Variants in TMEM132D observed in about 807,000 individuals in gnomAD.
TMEM132D encodes the protein mature OL transmembrane protein.
Under a neutral mutation model 62.3 loss-of-function variants are expected in TMEM132D, and 21 were observed. The observed-to-expected ratio is 0.34, with a 90% CI of 0.24 to 0.49. TMEM132D has a LOEUF of 0.49. Ranked by LOEUF, TMEM132D falls within the 20% of genes least tolerant of loss-of-function variation. The pLI, the probability that TMEM132D is intolerant of heterozygous loss-of-function variation, is 0.99. For synonymous variants in TMEM132D, 621 were observed against 575.6 expected (o/e 1.08, Z -1.13); for missense variants, 1,346 against 1,402.8 (o/e 0.96, Z 0.65).
At chr12:129,303,919 C>T (rs1881781246) in intron 4 of TMEM132D, among the ~76,000 whole-genome samples, 1 of 152,124 alleles carries the variant, frequency 6.6e-6, no homozygotes, top group Non-Finnish European at 1.5e-5. Flanking sequence ...CGATGGAAGT[C>T]CCAGCTCAAG....
chr12:129,591,696 CT>C (rs1234844305), intron 2 of TMEM132D, among the ~76,000 whole-genome samples: 1 of 151,782 alleles, frequency 6.6e-6, no homozygotes, highest in Non-Finnish European at 1.5e-5. Context: ...AAAAAGAAAC[CT>C]GACCTCACGA....
chr12:129,381,079 T>C (rs914642798), intron 3 of TMEM132D, among the ~76,000 whole-genome samples: 14 of 152,294 alleles, frequency 9.2e-5, no homozygotes, highest in African/African-American at 3.4e-4. Context: ...TTGATACAAA[T>C]CATTCCAGTC....
chr12:129,084,732 G>T, intron 5 of TMEM132D, 30 bp from the exon 6 acceptor site: 1 of 1,607,404 alleles, frequency 6.2e-7, no homozygotes, highest in Non-Finnish European at 8.5e-7. Flanking sequence ...AAAAGGGGAG[G>T]GAAAGGTGAG....
At chr12:129,120,923 T>TA (rs1385279166) in intron 5 of TMEM132D, among the ~76,000 whole-genome samples, 9 of 152,164 alleles carry the variant, frequency 5.9e-5, no homozygotes, top group African/African-American at 2.2e-4. Context: ...AAAATGCTGA[T>TA]AAAAAACAAT....
At chr12:129,373,235 C>A (rs1870669709) in intron 3 of TMEM132D, among the ~76,000 whole-genome samples, 1 of 152,174 alleles carries the variant, frequency 6.6e-6, no homozygotes, top group Admixed American at 6.5e-5. Flanking sequence ...ACCCCACCTT[C>A]CAACCCTCAT....
chr12:129,225,441 C>A (rs1879455045), intron 4 of TMEM132D, among the ~76,000 whole-genome samples: 2 of 152,132 alleles, frequency 1.3e-5, no homozygotes, highest in South Asian at 4.2e-4. Flanking sequence ...AAATGAGATG[C>A]AGGAGAATCG....
At chr12:129,384,607 T>C (rs1281540991) in intron 3 of TMEM132D, among the ~76,000 whole-genome samples, 1 of 151,894 alleles carries the variant, frequency 6.6e-6, no homozygotes, top group African/African-American at 2.4e-5. Flanking sequence ...AGGAGACCCA[T>C]TTCACTTCTT....
At chr12:129,113,518 A>T (rs1186231596) in intron 5 of TMEM132D, among the ~76,000 whole-genome samples, 1 of 152,232 alleles carries the variant, frequency 6.6e-6, no homozygotes, top group Non-Finnish European at 1.5e-5. Flanking sequence ...TCGAGCTTAC[A>T]CACTGGGGGA....
chr12:129,619,788 G>C (rs1299010520), intron 2 of TMEM132D, among the ~76,000 whole-genome samples: 2 of 152,146 alleles, frequency 1.3e-5, no homozygotes, highest in African/African-American at 4.8e-5. Flanking sequence ...ACACTTCTTT[G>C]ACTCACACCG....
At chr12:129,497,041 C>G (rs1260240560) in intron 3 of TMEM132D, among the ~76,000 whole-genome samples, 1 of 152,164 alleles carries the variant, frequency 6.6e-6, no homozygotes, top group Non-Finnish European at 1.5e-5. Flanking sequence ...GGCGCAGTGG[C>G]TCACGCCTGT....
chr12:129,800,064 A>T (rs1376798), intron 1 of TMEM132D, among the ~76,000 whole-genome samples: 105,385 of 152,080 alleles, frequency 0.69, 39,224 homozygotes, highest in Non-Finnish European at 0.82. Context: ...TCCTAAAAAA[A>T]GTCTTCTAGA....
chr12:129,810,541 A>AATAT (rs1302551058), intron 1 of TMEM132D, among the ~76,000 whole-genome samples: 1 of 116,614 alleles, frequency 8.6e-6, no homozygotes, highest in South Asian at 2.9e-4. Context: ...ATTCAAGAAA[A>AATAT]ATATATACAT....
chr12:129,561,853 A>C (rs1448763477), intron 2 of TMEM132D, among the ~76,000 whole-genome samples: 2 of 152,212 alleles, frequency 1.3e-5, no homozygotes, highest in Non-Finnish European at 2.9e-5. Context: ...AAAGGGCAGA[A>C]GACCAGTTAA....
chr12:129,643,094 T>C (rs547340729), intron 2 of TMEM132D, among the ~76,000 whole-genome samples: 2 of 151,992 alleles, frequency 1.3e-5, no homozygotes, highest in South Asian at 4.2e-4. Flanking sequence ...CCGACTAATT[T>C]TCGTATTTTT....
At chr12:129,761,579 T>C (rs1213395390) in intron 1 of TMEM132D, among the ~76,000 whole-genome samples, 1 of 152,294 alleles carries the variant, frequency 6.6e-6, no homozygotes, top group East Asian at 1.9e-4. Flanking sequence ...CGCTTCCCAC[T>C]CACTTCCCTG....
At chr12:129,476,927 C>T (rs1874278761) in intron 3 of TMEM132D, among the ~76,000 whole-genome samples, 1 of 152,118 alleles carries the variant, frequency 6.6e-6, no homozygotes, top group African/African-American at 2.4e-5. Context: ...CAATTTCTAC[C>T]AATCGTTTTT....
intron 3 of TMEM132D, among the ~76,000 whole-genome samples, chr12:129,444,720 A>C (rs1462094453): frequency 6.6e-6 from 1 of 152,216 alleles, no homozygotes; most frequent in African/African-American, 2.4e-5. Flanking sequence ...GCCAACATGC[A>C]TATGAAAAAG....
At chr12:129,081,324 G>T (rs941361555) in intron 7 of TMEM132D, among the ~76,000 whole-genome samples, 1 of 152,108 alleles carries the variant, frequency 6.6e-6, no homozygotes, top group Non-Finnish European at 1.5e-5. Flanking sequence ...TCTGAGATGG[G>T]GTCTAGCTCC....
At chr12:129,393,565 G>C (rs1295209778) in intron 3 of TMEM132D, among the ~76,000 whole-genome samples, 3 of 152,152 alleles carry the variant, frequency 2.0e-5, no homozygotes, top group Non-Finnish European at 4.4e-5. Flanking sequence ...TTTTTGAGGA[G>C]AGCCAAATTC....
Sources: gnomAD v4.1 joint callset for allele counts (sites outside exome capture counted in the v4.1 genomes callset) on GRCh38, gnomAD v4.1.1 for gene constraint, MANE v1.5 for transcripts, NCBI Gene and HGNC (gene_info 2026-07-23, HGNC 2026-07-21) for gene names.